SLC25A37: variants seen among roughly 807,000 people sequenced by gnomAD.
The protein encoded by SLC25A37 is solute carrier family 25 member 37, also known as mitoferrin-1.
SLC25A37 carries 17 observed loss-of-function variants against 31.0 expected under a neutral mutation model. The observed-to-expected ratio is 0.55, with a 90% CI of 0.38 to 0.82. The LOEUF (loss-of-function observed/expected upper bound fraction) is 0.82, where lower values mean the gene tolerates loss of function less well. Ranked by LOEUF, SLC25A37 falls within the 40% of genes least tolerant of loss-of-function variation. SLC25A37 has a pLI of 0.00. For synonymous variants in SLC25A37, 222 were observed against 193.0 expected (o/e 1.15, Z -1.24); for missense variants, 404 against 465.8 (o/e 0.87, Z 1.22).
intron 1 of SLC25A37, among the ~76,000 whole-genome samples, chr8:23,553,983 C>A (rs970308617): frequency 2.0e-5 from 3 of 152,182 alleles, no homozygotes; most frequent in African/African-American, 4.8e-5. Flanking sequence ...GTTGTAGAAA[C>A]AGAGCATATT....
intron 1 of SLC25A37, among the ~76,000 whole-genome samples, chr8:23,533,490 C>T (rs1372719330): frequency 6.6e-6 from 1 of 152,196 alleles, no homozygotes; most frequent in Non-Finnish European, 1.5e-5. Context: ...TGCATGTGGC[C>T]ATCTCATTAG....
intron 1 of SLC25A37, among the ~76,000 whole-genome samples, chr8:23,534,668 A>C (rs1212772440): frequency 1.2e-4 from 19 of 152,116 alleles, no homozygotes; most frequent in Admixed American, 1.2e-3. Context: ...CCCATTTCCC[A>C]GTTAGGTGTG....
intron 1 of SLC25A37, among the ~76,000 whole-genome samples, chr8:23,560,444 G>T (rs1802486374): frequency 1.3e-5 from 2 of 152,168 alleles, no homozygotes; most frequent in Non-Finnish European, 2.9e-5. Flanking sequence ...CACCCTGGTG[G>T]TTCGTTTCCT....
At chr8:23,567,773 A>T (rs1343223605) in intron 2 of SLC25A37, 2 of 150,786 alleles carry the variant, frequency 1.3e-5, no homozygotes. Context: ...TTGCAGACTG[A>T]CCCTGGAAAT....
chr8:23,544,612 A>G (rs563027386), intron 1 of SLC25A37, among the ~76,000 whole-genome samples: 17 of 152,286 alleles, frequency 1.1e-4, no homozygotes, highest in African/African-American at 3.6e-4. Context: ...GAGTTGGGAA[A>G]GGCCCCCCGA....
intron 1 of SLC25A37, among the ~76,000 whole-genome samples, chr8:23,543,884 G>C (rs1801966778): frequency 6.6e-6 from 1 of 151,732 alleles, no homozygotes. Flanking sequence ...TATTGAGACG[G>C]AGTTTCACTT....
At chr8:23,564,486 A>C (rs1585200638) in intron 1 of SLC25A37, among the ~76,000 whole-genome samples, 2 of 31,738 alleles carry the variant, frequency 6.3e-5, no homozygotes, top group Admixed American at 8.6e-4. Context: ...GGAGGGAGGG[A>C]GTCGGGGAGG....
At chr8:23,553,286 G>T (rs1802277144) in intron 1 of SLC25A37, among the ~76,000 whole-genome samples, 1 of 152,156 alleles carries the variant, frequency 6.6e-6, no homozygotes, top group African/African-American at 2.4e-5. Context: ...GCCATGTGTG[G>T]TAGCATGCGC....
intron 1 of SLC25A37, among the ~76,000 whole-genome samples, chr8:23,532,928 G>C (rs532569000): frequency 6.6e-6 from 1 of 152,178 alleles, no homozygotes; most frequent in Non-Finnish European, 1.5e-5. Flanking sequence ...AGTGCAGTTC[G>C]GTCCATGCCA....
chr8:23,538,392 A>C (rs1363982123), intron 1 of SLC25A37, among the ~76,000 whole-genome samples: 1 of 143,884 alleles, frequency 7.0e-6, no homozygotes, highest in Non-Finnish European at 1.5e-5. Context: ...AAAAAAAAAA[A>C]AAAAAAAAAA....
chr8:23,555,172 C>T (rs1802330629), intron 1 of SLC25A37, among the ~76,000 whole-genome samples: 1 of 152,226 alleles, frequency 6.6e-6, no homozygotes, highest in South Asian at 2.1e-4. Context: ...GATGCACCAG[C>T]ATGTTCACAT....
At chr8:23,562,750 G>T (rs1367078065) in intron 1 of SLC25A37, among the ~76,000 whole-genome samples, 2 of 152,132 alleles carry the variant, frequency 1.3e-5, no homozygotes, top group Non-Finnish European at 2.9e-5. Flanking sequence ...CTCTCAAGTG[G>T]GGAAACTCAA....
At chr8:23,535,618 A>G (rs73228215) in intron 1 of SLC25A37, among the ~76,000 whole-genome samples, 1 of 152,304 alleles carries the variant, frequency 6.6e-6, no homozygotes, top group Non-Finnish European at 1.5e-5. Flanking sequence ...GGGGATATGA[A>G]TACTGTATTA....
rs780512693 is a variant in SLC25A37, at chr8:23,529,087, G to A, written c.85G>A (p.Asp29Asn). The change falls in exon 1 of 4, where the codon GAC becomes AAC. Residue 29 changes from aspartate to asparagine, a missense_variant. Around this residue, in one of 3 missense-constraint regions of SLC25A37, gnomAD observed 154 missense variants for 153.6 expected, o/e 1.00. Coordinates refer to ENST00000519973, the MANE Select transcript of SLC25A37 (RefSeq NM_016612.4). The surrounding 1 kb of genome is among the most constrained non-coding windows in gnomAD (Gnocchi z 4.1). Reference protein sequence around the residue: ...GDSRDGGGGKDATGSEDYENL... With the variant: ...GDSRDGGGGKNATGSEDYENL... ...CAGCCGAGATGGCGGCGGCGGCAAGGACGCCACCGGGTCGGAGGACTACGA... is the reference window on the plus strand; with the variant it reads ...CAGCCGAGATGGCGGCGGCGGCAAGAACGCCACCGGGTCGGAGGACTACGA... 6.2e-7 allele frequency: 1 copy of A among 1,603,814 alleles called. No homozygotes were observed. The highest frequency in any genetic ancestry group is 1.1e-5 in the South Asian group (1 of 89,474).
chr8:23,542,208 G>T (rs571540828), intron 1 of SLC25A37, among the ~76,000 whole-genome samples: 1 of 152,246 alleles, frequency 6.6e-6, no homozygotes, highest in East Asian at 1.9e-4. Context: ...ATTGCATTTC[G>T]CCCGTGTTTG....
chr8:23,560,805 C>T (rs1802496257), intron 1 of SLC25A37, among the ~76,000 whole-genome samples: 2 of 152,162 alleles, frequency 1.3e-5, no homozygotes, highest in South Asian at 2.1e-4. Flanking sequence ...GTTGAGGATG[C>T]ACCGGGGAAA....
intron 1 of SLC25A37, among the ~76,000 whole-genome samples, chr8:23,535,174 C>T (rs1459432709): frequency 6.6e-6 from 1 of 152,180 alleles, no homozygotes; most frequent in Non-Finnish European, 1.5e-5. Flanking sequence ...CTGGCTTGCC[C>T]CACCTGGGTC....
At chr8:23,553,880 G>C (rs1251210961) in intron 1 of SLC25A37, among the ~76,000 whole-genome samples, 1 of 152,200 alleles carries the variant, frequency 6.6e-6, no homozygotes, top group Non-Finnish European at 1.5e-5. Context: ...CAGGGGTTTT[G>C]TGGACATTAA....
chr8:23,534,105 T>C (rs922903044), intron 1 of SLC25A37, among the ~76,000 whole-genome samples: 1 of 152,126 alleles, frequency 6.6e-6, no homozygotes, highest in African/African-American at 2.4e-5. Flanking sequence ...CATGCCACCA[T>C]GCCTGGCTAA....
Sources: allele counts gnomAD v4.1 joint callset (sites outside exome capture counted in the v4.1 genomes callset), GRCh38; gene constraint gnomAD v4.1.1; regional missense constraint gnomAD v4.1.1; non-coding constraint Gnocchi (gnomAD v3.1); transcripts MANE v1.5; gene names NCBI Gene and HGNC (gene_info 2026-07-23, HGNC 2026-07-21).